The following FRMPD1 variants were observed in gnomAD, a reference collection of about 807,000 sequenced individuals.
FRMPD1 encodes FERM and PDZ domain containing 1, also known as FERM and PDZ domain-containing protein 1.
FRMPD1 carries 76 observed loss-of-function variants against 117.8 expected under a neutral mutation model. The observed-to-expected ratio is 0.65, with a 90% CI of 0.54 to 0.78. The LOEUF (loss-of-function observed/expected upper bound fraction) is 0.78, where lower values mean the gene tolerates loss of function less well. FRMPD1 is among the 30% of genes least tolerant of loss of function. The probability of loss-of-function intolerance (pLI) is 0.00; values close to 1 mark genes in which losing one functional copy is unlikely to be tolerated. For missense variants in FRMPD1, 1,786 were observed against 1,964.5 expected, an observed-to-expected ratio of 0.91 and a Z score of 1.72; for synonymous variants, 783 against 770.4, an observed-to-expected ratio of 1.02 and a Z score of -0.27.
chr9:37,701,538 T>A (rs906028053), intron 2 of FRMPD1, among the ~76,000 whole-genome samples: 5 of 136,966 alleles, frequency 3.7e-5, no homozygotes, highest in African/African-American at 1.3e-4. Flanking sequence ...TGTGTGTGTG[T>A]GTGTTTTGGA....
In FRMPD1 at chr9:37,732,405, T is replaced by C. The variant is rs756866744; in HGVS notation, c.960T>C (p.Cys320=). Residue 320 remains cysteine (C), a synonymous_variant, in exon 10 of 16, where the codon TGT becomes TGC. Transcript: ENST00000377765. ...ACATCCAGGAACGGATCTACGCCTG[T>C]GCCCAGCCACAGAAGATCTCTTTAA... The part of the protein sequence containing the change: ...ALHIQERIYA[C]AQPQKISLKY... 6.2e-7 allele frequency: 1 copy of C among 1,613,634 alleles called. No individual in the cohort carries two copies. Among genetic ancestry groups the C allele is most frequent in the South Asian group, 1.1e-5 (1 of 91,076 alleles).
chr9:37,735,568 C>A lies in FRMPD1; in HGVS notation c.1235C>A (p.Ser412Tyr), dbSNP rs1824080257. The A allele has an allele frequency of 1.9e-6, 3 of 1,613,352 alleles. No homozygotes were observed. The African/African-American group carries it at 4.0e-5, about 22-fold the overall frequency. Residue 412 changes from serine to tyrosine, a missense_variant, in exon 13 of 16, where the codon TCC becomes TAC. By Grantham distance (144) the Ser-to-Tyr change is moderately radical (BLOSUM62 -2). Coordinates refer to ENST00000377765, the MANE Select transcript of FRMPD1 (RefSeq NM_014907.3). ...CCTCTGCAGTTACAGGATAGAGAATCCTACATTGCCCTTCTAGTTGGAGCC... is the reference window on the plus strand; with the variant it reads ...CCTCTGCAGTTACAGGATAGAGAATACTACATTGCCCTTCTAGTTGGAGCC... ...NATLMLQDRESYIALLVGAKY... is the reference protein window; with the variant it reads ...NATLMLQDREYYIALLVGAKY...
intron 8 of FRMPD1, among the ~76,000 whole-genome samples, chr9:37,730,611 A>C (rs556939471): frequency 1.3e-5 from 2 of 152,332 alleles, no homozygotes; most frequent in East Asian, 1.9e-4. Flanking sequence ...AAATAAAGTA[A>C]GTTGTAGAAT....
intron 1 of FRMPD1, among the ~76,000 whole-genome samples, chr9:37,664,489 G>C (rs573211304): frequency 6.6e-6 from 1 of 151,392 alleles, no homozygotes; most frequent in African/African-American, 2.4e-5. Flanking sequence ...ACCCCCGACA[G>C]GCCCCGGTGT....
At chr9:37,677,162 C>A (rs1209346417) in intron 1 of FRMPD1, among the ~76,000 whole-genome samples, 4 of 152,196 alleles carry the variant, frequency 2.6e-5, no homozygotes, top group African/African-American at 9.7e-5. Flanking sequence ...AGGGTGAGGA[C>A]TTTCAGGGAA....
intron 2 of FRMPD1, among the ~76,000 whole-genome samples, chr9:37,701,495 G>A (rs543612954): frequency 2.2e-5 from 3 of 138,216 alleles, no homozygotes; most frequent in South Asian, 2.5e-4. Flanking sequence ...GTGTGCGCGC[G>A]TGTGTGTGCA....
intron 1 of FRMPD1, among the ~76,000 whole-genome samples, chr9:37,682,800 ATTAC>A (rs1323254211): frequency 1.3e-5 from 2 of 152,214 alleles, no homozygotes; most frequent in East Asian, 3.8e-4. Context: ...AGTTGGGGTT[ATTAC>A]TTACTGTCAA....
the FRMPD1 span, among the ~76,000 whole-genome samples, chr9:37,641,983 G>A: frequency 6.6e-6 from 1 of 152,094 alleles, no homozygotes; most frequent in African/African-American, 2.4e-5. Flanking sequence ...ACCCAGAGCA[G>A]GCTTGACCAA....
intron 2 of FRMPD1, among the ~76,000 whole-genome samples, chr9:37,706,235 T>C (rs1822701489): frequency 6.6e-6 from 1 of 152,128 alleles, no homozygotes; most frequent in Non-Finnish European, 1.5e-5. Context: ...GTGGATAGTG[T>C]ACACGAGACT....
intron 15 of FRMPD1, among the ~76,000 whole-genome samples, chr9:37,741,624 C>A (rs1305203652): frequency 6.6e-6 from 1 of 152,212 alleles, no homozygotes; most frequent in African/African-American, 2.4e-5. Context: ...TATTCCCAGA[C>A]CTCCTGTGCT....
intron 5 of FRMPD1, among the ~76,000 whole-genome samples, chr9:37,717,429 G>A (rs1251060788): frequency 6.8e-6 from 1 of 147,310 alleles, no homozygotes; most frequent in East Asian, 2.0e-4. Context: ...ATCCAGGCTG[G>A]AGTACAGTGG....
intron 2 of FRMPD1, among the ~76,000 whole-genome samples, chr9:37,695,919 C>T (rs1288320325): frequency 6.6e-6 from 1 of 152,088 alleles, no homozygotes. Context: ...CTCGACCCCA[C>T]CCCAAACCAT....
chr9:37,619,895 A>G, the FRMPD1 span, among the ~76,000 whole-genome samples: 12 of 151,806 alleles, frequency 7.9e-5, no homozygotes, highest in South Asian at 6.3e-4. Context: ...GTAGGTGCCA[A>G]TTGACACTGA....
chr9:37,737,151 C>G lies in FRMPD1; in HGVS notation c.1457C>G (p.Ala486Gly). 1.9e-6 allele frequency: 3 copies of G among 1,611,932 alleles called. No homozygotes were observed. Among genetic ancestry groups the G allele is most frequent in the Non-Finnish European group, 2.5e-6 (3 of 1,178,028 alleles). ...NSAKDLACLIAGYYRLLVDPV... is the reference protein window; with the variant it reads ...NSAKDLACLIGGYYRLLVDPV... ...GCAAAAGACCTAGCCTGCCTGATTG[C>G]TGGGTACTACAGGCTGTTGGTTGAC... Residue 486 changes from alanine (A) to glycine (G), a missense_variant, in exon 14 of 16, where the codon GCT (alanine) becomes GGT (glycine). Coordinates refer to ENST00000377765, the MANE Select transcript of FRMPD1 (RefSeq NM_014907.3).
chr9:37,633,641 C>T, the FRMPD1 span, among the ~76,000 whole-genome samples: 1 of 152,164 alleles, frequency 6.6e-6, no homozygotes, highest in Non-Finnish European at 1.5e-5. Context: ...AAGAGGATTG[C>T]TTGAGCCCAG....
rs761489622 is a variant in FRMPD1, at chr9:37,740,284, G to A, written c.1756G>A (p.Glu586Lys). ...GGCCAGCAGCACGACAGACAGTGCC[G>A]AGTCCGAGGCGTCCGACTCAGCCAA... ...CGASSTTDSA[E>K]SEASDSANTE... The change falls in exon 15 of 16, where the codon GAG (glutamate) becomes AAG (lysine). Residue 586 changes from glutamate to lysine, a missense_variant. Coordinates refer to ENST00000377765, the MANE Select transcript of FRMPD1 (RefSeq NM_014907.3). The surrounding 1 kb of genome is among the most constrained non-coding windows in gnomAD (Gnocchi z 4.2). The A allele has an allele frequency of 1.3e-5, 21 of 1,613,680 alleles. No homozygotes were observed. The highest frequency in any genetic ancestry group is 4.5e-5 in the East Asian group (2 of 44,896).
chr9:37,729,683 C>T, intron 7 of FRMPD1, 45 bp from the exon 8 acceptor site: 1 of 1,604,402 alleles, frequency 6.2e-7, no homozygotes, highest in East Asian at 2.2e-5. Context: ...CAGGGAAGTC[C>T]TTCCTGTTTC....
chr9:37,744,715 G>A lies in FRMPD1; in HGVS notation c.2683G>A (p.Gly895Ser). The change falls in exon 16 of 16, where the codon GGC (glycine) becomes AGC (serine). Residue 895 changes from glycine (G) to serine (S), a missense_variant. Coordinates refer to ENST00000377765, the MANE Select transcript of FRMPD1 (RefSeq NM_014907.3). ...SSLQDMQGEP[G>S]LLETKALGLL... ...TCTGCAGGACATGCAGGGTGAGCCTGGCCTTCTGGAGACCAAGGCCTTGGG... is the reference window on the plus strand; with the variant it reads ...TCTGCAGGACATGCAGGGTGAGCCTAGCCTTCTGGAGACCAAGGCCTTGGG... 6.2e-7 allele frequency: 1 copy of A among 1,614,044 alleles called. No individual in the cohort carries two copies. Among genetic ancestry groups the A allele is most frequent in the African/African-American group, 1.3e-5 (1 of 75,044 alleles).
chr9:37,707,798 T>C (rs1447975527), intron 3 of FRMPD1, among the ~76,000 whole-genome samples: 1 of 152,242 alleles, frequency 6.6e-6, no homozygotes, highest in East Asian at 1.9e-4. Flanking sequence ...CCACTGGCCT[T>C]GGCTAGGGCG....
Sources: gnomAD v4.1 joint callset for allele counts (sites outside exome capture counted in the v4.1 genomes callset) on GRCh38, gnomAD v4.1.1 for gene constraint, Gnocchi (gnomAD v3.1) non-coding constraint, MANE v1.5 for transcripts, NCBI Gene and HGNC (gene_info 2026-07-23, HGNC 2026-07-21) for gene names.